Variants in ANO10 observed in about 807,000 individuals in gnomAD.
The protein encoded by ANO10 is anoctamin-10.
A neutral mutation model predicts 74.7 loss-of-function variants in ANO10; 77 were observed. The observed-to-expected ratio is 1.03, with a 90% CI of 0.86 to 1.25. ANO10 has a LOEUF of 1.25. ANO10 is among the 50% of genes most tolerant of loss of function. The pLI, the probability that ANO10 is intolerant of heterozygous loss-of-function variation, is 0.00. For missense variants in ANO10, 721 were observed against 778.1 expected (o/e 0.93, Z 0.87); for synonymous variants, 279 against 284.9 (o/e 0.98, Z 0.21).
intron 11 of ANO10, among the ~76,000 whole-genome samples, chr3:43,440,762 T>G (rs2093147156): frequency 6.6e-6 from 1 of 151,952 alleles, no homozygotes. Flanking sequence ...TCTTCTCAAG[T>G]ACATATAAAA....
intron 12 of ANO10, among the ~76,000 whole-genome samples, chr3:43,389,955 G>C (rs569170236): frequency 6.6e-6 from 1 of 152,268 alleles, no homozygotes; most frequent in South Asian, 2.1e-4. Context: ...AGAGCCTAAA[G>C]GCCTTGACTC....
At chr3:43,381,135 A>G (rs2091949419) in intron 12 of ANO10, among the ~76,000 whole-genome samples, 1 of 152,150 alleles carries the variant, frequency 6.6e-6, no homozygotes, top group Admixed American at 6.5e-5. Context: ...AACAGCTCCC[A>G]CTGGGCCCTC....
intron 1 of ANO10, among the ~76,000 whole-genome samples, chr3:43,635,894 A>G (rs936930488): frequency 1.3e-5 from 2 of 152,198 alleles, no homozygotes; most frequent in African/African-American, 2.4e-5. Flanking sequence ...TGCTGGGATT[A>G]CAGGCGTAGC....
intron 4 of ANO10, among the ~76,000 whole-genome samples, chr3:43,597,386 G>T (rs1439543097): frequency 6.6e-6 from 1 of 152,174 alleles, no homozygotes; most frequent in Non-Finnish European, 1.5e-5. Flanking sequence ...TGATAGACTG[G>T]ATTAAGAAAA....
intron 1 of ANO10, among the ~76,000 whole-genome samples, chr3:43,677,301 C>T (rs1559397702): frequency 6.6e-6 from 1 of 152,178 alleles, no homozygotes; most frequent in South Asian, 2.1e-4. Context: ...GTAATCCCAG[C>T]ACTTTGGGAG....
At chr3:43,685,349 A>G (rs766813765) in intron 1 of ANO10, among the ~76,000 whole-genome samples, 4 of 152,212 alleles carry the variant, frequency 2.6e-5, no homozygotes, top group Non-Finnish European at 5.9e-5. Context: ...TATGCTCTGG[A>G]GTACTTCCAT....
chr3:43,512,506 G>T (rs2077548030), intron 11 of ANO10, among the ~76,000 whole-genome samples: 1 of 152,054 alleles, frequency 6.6e-6, no homozygotes, highest in Admixed American at 6.5e-5. Context: ...TTTGCCCAAA[G>T]TGTGAGTGGG....
At chr3:43,491,966 A>G (rs2076740505) in intron 11 of ANO10, among the ~76,000 whole-genome samples, 1 of 152,178 alleles carries the variant, frequency 6.6e-6, no homozygotes, top group Non-Finnish European at 1.5e-5. Context: ...CAGCTCCCAG[A>G]GAGATCAAAG....
rs552703467 is a variant in ANO10 at position 43,549,580 on chromosome 3, T to C, written c.1797+140A>G. 18 of 909,142 alleles carry C rather than the reference T, an allele frequency of 2.0e-5. No homozygotes were observed. The East Asian group carries it at 2.2e-4, about 11-fold the overall frequency. 56.3% of individuals were successfully genotyped at this position (909,142 alleles called of 1,614,324 possible). A position where few individuals can be genotyped will look rare whatever the true frequency, so the allele number is the denominator to read the frequency against. Reference sequence around the variant, plus strand: ...ACAGCCTGAATCCTCATGTTTTCTATTACTTGAACTGTTTTTGCTTTCTTA... The same window carrying C: ...ACAGCCTGAATCCTCATGTTTTCTACTACTTGAACTGTTTTTGCTTTCTTA... On this transcript the variant is annotated intron_variant, in intron 11 of 12. Coordinates refer to ENST00000292246, the MANE Select transcript of ANO10 (RefSeq NM_018075.5).
chr3:43,565,627 G>A lies in ANO10; in HGVS notation c.1293+26C>T, dbSNP rs143897042. The A allele has an allele frequency of 0.045, 68,263 of 1,529,214 alleles. 1,830 individuals are homozygous for A. The highest frequency in any genetic ancestry group is 0.053 in the Non-Finnish European group (59,863 of 1,127,112). The allele number at this position is 1,529,214 out of a possible 1,614,324, so 94.7% of individuals were successfully genotyped here. On this transcript the variant is annotated intron_variant, in intron 8 of 12. Coordinates refer to ENST00000292246, the MANE Select transcript of ANO10 (RefSeq NM_018075.5). The stretch of plus-strand genomic sequence containing the variant: ...AACCACCTCTATGACCTAAAAAATT[G>A]GTATTTTTCTGTTATTTTTACTTAC...
At chr3:43,488,920 C>G (rs2076608440) in intron 11 of ANO10, among the ~76,000 whole-genome samples, 1 of 151,632 alleles carries the variant, frequency 6.6e-6, no homozygotes. Flanking sequence ...GGAACCAAGC[C>G]AAATGTCCAA....
chr3:43,652,448 G>A lies in ANO10; in HGVS notation c.-12+39069C>T, dbSNP rs540982374. Reference sequence around the variant, plus strand: ...ACAAACAGTGCTCAGACAACTGAATGTTCACAAGCAAAAGAATAAAGTTGG... The same window carrying A: ...ACAAACAGTGCTCAGACAACTGAATATTCACAAGCAAAAGAATAAAGTTGG... On this transcript the variant is annotated intron_variant, in intron 1 of 3. Transcript: ENST00000413397. 9.2e-5 allele frequency among the ~76,000 whole-genome samples: 14 copies of A among 152,258 alleles called. No individual in the cohort carries two copies. The South Asian group carries it at 2.9e-3, about 32-fold the overall frequency.
intron 1 of ANO10, among the ~76,000 whole-genome samples, chr3:43,617,160 A>G (rs1437925174): frequency 1.4e-5 from 2 of 143,856 alleles, no homozygotes; most frequent in East Asian, 4.1e-4. Flanking sequence ...ACCATTACCA[A>G]GCATACGAGA....
chr3:43,427,446 G>A (rs1295774282), intron 12 of ANO10, among the ~76,000 whole-genome samples: 1 of 152,196 alleles, frequency 6.6e-6, no homozygotes, highest in Middle Eastern at 3.2e-3. Context: ...TTTAAGGACT[G>A]TCAAATTTCT....
chr3:43,595,044 C>G (rs2082006693), intron 4 of ANO10, among the ~76,000 whole-genome samples: 1 of 151,990 alleles, frequency 6.6e-6, no homozygotes, highest in African/African-American at 2.4e-5. Context: ...ACACATACAC[C>G]CTCCCAAGAC....
At chr3:43,421,386 A>G (rs1220707220) in intron 12 of ANO10, among the ~76,000 whole-genome samples, 1 of 152,188 alleles carries the variant, frequency 6.6e-6, no homozygotes, top group Non-Finnish European at 1.5e-5. Context: ...TTAGCTGGGC[A>G]TGGTGGTGCA....
At chr3:43,375,795 G>A (rs2091781813) in intron 12 of ANO10, among the ~76,000 whole-genome samples, 1 of 128,148 alleles carries the variant, frequency 7.8e-6, no homozygotes, top group South Asian at 2.4e-4. Context: ...CAGGAGCCTG[G>A]GGGAGAAGGT....
At chr3:43,566,209 C>T (rs1041307508) in intron 7 of ANO10, among the ~76,000 whole-genome samples, 3 of 152,178 alleles carry the variant, frequency 2.0e-5, no homozygotes, top group Non-Finnish European at 2.9e-5. Context: ...TCGCTGATTG[C>T]TAGCACAGCA....
At chr3:43,559,059 C>T (rs543142155) in intron 9 of ANO10, among the ~76,000 whole-genome samples, 2 of 152,170 alleles carry the variant, frequency 1.3e-5, no homozygotes, top group Non-Finnish European at 2.9e-5. Flanking sequence ...GGTCTTGAAC[C>T]TTCTTTCTGA....
Sources: gnomAD v4.1 joint callset for allele counts (sites outside exome capture counted in the v4.1 genomes callset) on GRCh38, gnomAD v4.1.1 for gene constraint, MANE v1.5 for transcripts, NCBI Gene and HGNC (gene_info 2026-07-23, HGNC 2026-07-21) for gene names.